The following ACVR1 variants were observed in gnomAD, a reference collection of about 807,000 sequenced individuals.
ACVR1 encodes the protein activin A receptor type 1.
Under a neutral mutation model 57.1 loss-of-function variants are expected in ACVR1, and 38 were observed. The observed-to-expected ratio is 0.67, with a 90% confidence interval of 0.51 to 0.87. ACVR1 has a LOEUF of 0.87. ACVR1 is among the 40% of genes least tolerant of loss of function. The probability of loss-of-function intolerance (pLI) is 0.00; values close to 1 mark genes in which losing one functional copy is unlikely to be tolerated. For missense variants in ACVR1, 463 were observed against 638.2 expected (o/e 0.73, Z 2.96); for synonymous variants, 212 against 228.1 (o/e 0.93, Z 0.63).
intron 2 of ACVR1, among the ~76,000 whole-genome samples, chr2:157,815,939 C>T (rs1341724689): frequency 1.3e-5 from 2 of 152,174 alleles, no homozygotes; most frequent in Non-Finnish European, 2.9e-5. Context: ...CGCCTACCCC[C>T]TTTAAATTAT....
At chr2:157,784,043 G>T (rs1382060874) in intron 3 of ACVR1, among the ~76,000 whole-genome samples, 1 of 152,218 alleles carries the variant, frequency 6.6e-6, no homozygotes, top group Non-Finnish European at 1.5e-5. Flanking sequence ...AAGGTTTAAA[G>T]CAAGGTAGTA....
At chr2:157,782,671 C>G (rs1453110453) in intron 3 of ACVR1, among the ~76,000 whole-genome samples, 1 of 152,130 alleles carries the variant, frequency 6.6e-6, no homozygotes, top group East Asian at 1.9e-4. Context: ...TGCTGCCCAA[C>G]AGGTGATGAT....
intron 2 of ACVR1, among the ~76,000 whole-genome samples, chr2:157,801,710 A>G (rs1420081173): frequency 2.6e-5 from 4 of 152,156 alleles, no homozygotes; most frequent in Non-Finnish European, 5.9e-5. Context: ...TTGCTATTTT[A>G]TGTATGTTTT....
At chr2:157,788,686 C>T (rs1686801285) in intron 3 of ACVR1, among the ~76,000 whole-genome samples, 2 of 152,092 alleles carry the variant, frequency 1.3e-5, no homozygotes, top group African/African-American at 2.4e-5. Flanking sequence ...AGGTTCAATA[C>T]TATCTGTGGT....
chr2:157,859,948 T>C (rs1223553254), intron 1 of ACVR1: 2 of 152,062 alleles, frequency 1.3e-5, no homozygotes, highest in African/African-American at 4.8e-5. Context: ...ACAGGTATAA[T>C]TGCTTTGAAC....
At chr2:157,826,784 A>AGGAAAAG (rs1688391531) in intron 1 of ACVR1, 1 of 88,774 alleles carries the variant, frequency 1.1e-5, no homozygotes, top group African/African-American at 6.7e-5. Context: ...AGGAAAGGAA[A>AGGAAAAG]GGAAAGGGAA....
chr2:157,793,116 CA>C (rs1199424338), intron 3 of ACVR1, among the ~76,000 whole-genome samples: 1 of 152,128 alleles, frequency 6.6e-6, no homozygotes, highest in Non-Finnish European at 1.5e-5. Flanking sequence ...TTCTGCTTTA[CA>C]AGTTTTTCCA....
chr2:157,822,393 T>C (rs188003438), intron 1 of ACVR1, among the ~76,000 whole-genome samples: 124 of 152,366 alleles, frequency 8.1e-4, no homozygotes, highest in Non-Finnish European at 7.3e-5. Flanking sequence ...ATTACTTGCA[T>C]TGTCTGACCT....
At chr2:157,806,266 A>G (rs1687542414) in intron 2 of ACVR1, among the ~76,000 whole-genome samples, 1 of 151,960 alleles carries the variant, frequency 6.6e-6, no homozygotes, top group South Asian at 2.1e-4. Flanking sequence ...CCTAACCTTA[A>G]ACAATTTCAT....
intron 9 of ACVR1, among the ~76,000 whole-genome samples, chr2:157,758,095 C>T (rs1685504933): frequency 6.6e-6 from 1 of 151,954 alleles, no homozygotes; most frequent in Non-Finnish European, 1.5e-5. Context: ...ACCCACCTCA[C>T]TTGTAAAGGC....
chr2:157,818,127 T>A (rs1459582502), intron 2 of ACVR1, among the ~76,000 whole-genome samples: 3 of 152,088 alleles, frequency 2.0e-5, no homozygotes, highest in Non-Finnish European at 4.4e-5. Flanking sequence ...TTGGCCAAAT[T>A]TAAAGAATAG....
intron 3 of ACVR1, among the ~76,000 whole-genome samples, chr2:157,785,727 T>A (rs537215526): frequency 4.5e-4 from 69 of 152,198 alleles, no homozygotes; most frequent in Non-Finnish European, 9.1e-4. Flanking sequence ...TTTCAGCAGT[T>A]ATGGGGGCAA....
At chr2:157,755,985 G>C (rs1685411661) in intron 9 of ACVR1, among the ~76,000 whole-genome samples, 1 of 152,056 alleles carries the variant, frequency 6.6e-6, no homozygotes, top group African/African-American at 2.4e-5. Context: ...CAATGGAACA[G>C]AATAGAGAAC....
chr2:157,871,697 T>C (rs1013541047), intron 1 of ACVR1, among the ~76,000 whole-genome samples: 1 of 152,204 alleles, frequency 6.6e-6, no homozygotes, highest in Non-Finnish European at 1.5e-5. Flanking sequence ...AGAGCCTTTA[T>C]ACATATAAAC....
At chr2:157,813,469 T>C (rs1159452408) in intron 2 of ACVR1, among the ~76,000 whole-genome samples, 3 of 152,222 alleles carry the variant, frequency 2.0e-5, no homozygotes, top group Non-Finnish European at 4.4e-5. Flanking sequence ...TCAGTCTGCA[T>C]TGCGGCTAGA....
chr2:157,825,901 G>T (rs1177104909), intron 1 of ACVR1, among the ~76,000 whole-genome samples: 3 of 152,150 alleles, frequency 2.0e-5, no homozygotes, highest in African/African-American at 4.8e-5. Flanking sequence ...TCCCTAAACA[G>T]AATCAGACTT....
At chr2:157,816,288 T>A (rs1435793658) in intron 2 of ACVR1, among the ~76,000 whole-genome samples, 1 of 152,138 alleles carries the variant, frequency 6.6e-6, no homozygotes, top group Non-Finnish European at 1.5e-5. Context: ...TACTGTTTCG[T>A]ATTATCTGAA....
intron 5 of ACVR1, among the ~76,000 whole-genome samples, chr2:157,775,608 A>G (rs1053355441): frequency 6.6e-6 from 1 of 152,224 alleles, no homozygotes. Flanking sequence ...AGAACCCTTA[A>G]AAACCACAAA....
At chr2:157,856,811 T>C (rs1027393097) in intron 1 of ACVR1, among the ~76,000 whole-genome samples, 12 of 152,198 alleles carry the variant, frequency 7.9e-5, no homozygotes, top group African/African-American at 1.9e-4. Context: ...AGCAATACTA[T>C]TGGGCTGGTC....
Sources: allele counts gnomAD v4.1 joint callset (sites outside exome capture counted in the v4.1 genomes callset), GRCh38; gene constraint gnomAD v4.1.1; transcripts MANE v1.5; gene names NCBI Gene and HGNC (gene_info 2026-07-23, HGNC 2026-07-21).